LRP1B: variants seen among roughly 807,000 people sequenced by gnomAD.
LRP1B encodes the protein LDL receptor related protein 1B.
A neutral mutation model predicts 556.6 loss-of-function variants in LRP1B; 217 were observed. The observed-to-expected ratio is 0.39, with a 90% confidence interval of 0.35 to 0.44. LRP1B has a LOEUF of 0.44. Among genes scored for constraint, LRP1B ranks in the 20% least tolerant of loss-of-function variants. LRP1B has a pLI of 1.00. For missense variants in LRP1B, 5,053 were observed against 5,620.8 expected (o/e 0.90, Z 3.23); for synonymous variants, 2,047 against 1,865.8 (o/e 1.10, Z -2.50).
intron 2 of LRP1B, among the ~76,000 whole-genome samples, chr2:141,491,716 C>T (rs1405933433): frequency 6.6e-6 from 1 of 152,134 alleles, no homozygotes; most frequent in Non-Finnish European, 1.5e-5. Context: ...GGCTCATCCA[C>T]TTGTCAGACA....
At chr2:140,383,643 T>C (rs372784537) in intron 67 of LRP1B, among the ~76,000 whole-genome samples, 5 of 152,166 alleles carry the variant, frequency 3.3e-5, no homozygotes, top group South Asian at 2.1e-4. Flanking sequence ...TGCCCTAACA[T>C]ACTCTGACAT....
At chr2:140,259,161 G>T (rs555651910) in intron 86 of LRP1B, among the ~76,000 whole-genome samples, 116 of 152,182 alleles carry the variant, frequency 7.6e-4, no homozygotes, top group African/African-American at 2.6e-3. Flanking sequence ...CTGAAGCACA[G>T]GCTGTATTTC....
intron 18 of LRP1B, among the ~76,000 whole-genome samples, chr2:140,980,458 T>A (rs1013203712): frequency 8.5e-5 from 13 of 152,166 alleles, no homozygotes; most frequent in African/African-American, 3.1e-4. Flanking sequence ...ACGTAAAATA[T>A]TCTATTGTCT....
chr2:140,946,740 T>G (rs1234076222), intron 20 of LRP1B, among the ~76,000 whole-genome samples: 1 of 152,162 alleles, frequency 6.6e-6, no homozygotes, highest in African/African-American at 2.4e-5. Context: ...TGTTTATCAC[T>G]GCACTACTCA....
chr2:140,948,180 ATTAACT>A (rs992070275), intron 20 of LRP1B, among the ~76,000 whole-genome samples: 7 of 152,160 alleles, frequency 4.6e-5, no homozygotes, highest in Admixed American at 4.6e-4. Flanking sequence ...ATGACAATAA[ATTAACT>A]TTAGGGCAAT....
chr2:140,793,384 C>T lies in LRP1B; in HGVS notation c.5360-17146G>A, dbSNP rs894040336. Among the ~76,000 whole-genome samples, 17 of 151,882 alleles carry T rather than the reference C, an allele frequency of 1.1e-4. 1 individual carries two copies. The highest frequency in any genetic ancestry group is 2.1e-4 in the South Asian group (1 of 4,820). The stretch of plus-strand genomic sequence containing the variant: ...CTGGTTTGAGCACACTATATATTAT[C>T]GCAATATTTTAAAAACTACTTCAAA... On this transcript the variant is annotated intron_variant, in intron 32 of 90. Transcript: ENST00000389484.
chr2:141,910,420 G>A (rs1380471525), intron 1 of LRP1B, among the ~76,000 whole-genome samples: 1 of 152,076 alleles, frequency 6.6e-6, no homozygotes, highest in African/African-American at 2.4e-5. Flanking sequence ...AGAACTATCA[G>A]ATATAGAGTT....
chr2:140,356,805 A>G (rs1682245591), intron 74 of LRP1B, among the ~76,000 whole-genome samples: 1 of 151,802 alleles, frequency 6.6e-6, no homozygotes, highest in Non-Finnish European at 1.5e-5. Flanking sequence ...ACGATATATG[A>G]GTACTACATC....
At chr2:141,794,758 A>G (rs573708277) in intron 2 of LRP1B, among the ~76,000 whole-genome samples, 2 of 152,060 alleles carry the variant, frequency 1.3e-5, no homozygotes, top group Non-Finnish European at 1.5e-5. Context: ...GTTCCACAGT[A>G]CCAACGAAAT....
chr2:141,490,508 A>G (rs532401967), intron 2 of LRP1B, among the ~76,000 whole-genome samples: 28 of 152,150 alleles, frequency 1.8e-4, no homozygotes, highest in African/African-American at 6.7e-4. Context: ...CTGCACTGCA[A>G]CTATAAACAC....
chr2:141,051,622 T>C (rs1280125346), intron 10 of LRP1B, among the ~76,000 whole-genome samples: 4 of 151,990 alleles, frequency 2.6e-5, no homozygotes, highest in Non-Finnish European at 1.5e-5. Context: ...CTGGAAGACA[T>C]AAATGTGCCC....
At chr2:142,112,487 A>G (rs1251674780) in intron 1 of LRP1B, among the ~76,000 whole-genome samples, 2 of 152,122 alleles carry the variant, frequency 1.3e-5, no homozygotes, top group Non-Finnish European at 2.9e-5. Flanking sequence ...AAAATGAGCT[A>G]TCAAATTCGG....
At position 141,870,401 on chromosome 2, in the gene LRP1B, A is replaced by G. The variant is rs1264457766; in HGVS notation, c.83-60000T>C. ...ACACTCTGGGGTTTCAATAAGTTCA[A>G]TGGTTAAGGAAACACTAGTCATCAT... On this transcript the variant is annotated intron_variant, in intron 1 of 90. Coordinates refer to ENST00000389484, the MANE Select transcript of LRP1B (RefSeq NM_018557.3). 3.3e-5 allele frequency among the ~76,000 whole-genome samples: 5 copies of G among 151,896 alleles called. 1 individual carries two copies. Among genetic ancestry groups the G allele is most frequent in the South Asian group, 4.1e-4 (2 of 4,824 alleles).
At chr2:141,567,035 G>GA (rs930998071) in intron 2 of LRP1B, among the ~76,000 whole-genome samples, 17 of 152,118 alleles carry the variant, frequency 1.1e-4, no homozygotes, top group African/African-American at 3.9e-4. Flanking sequence ...GGAAGATCAT[G>GA]AAAAAAGATT....
At chr2:141,904,225 T>G (rs931336986) in intron 1 of LRP1B, among the ~76,000 whole-genome samples, 1 of 151,784 alleles carries the variant, frequency 6.6e-6, no homozygotes, top group Non-Finnish European at 1.5e-5. Flanking sequence ...GGAGAACAGT[T>G]GGGAGGCTGT....
At chr2:141,662,682 A>T (rs1690266489) in intron 2 of LRP1B, among the ~76,000 whole-genome samples, 1 of 152,166 alleles carries the variant, frequency 6.6e-6, no homozygotes, top group Non-Finnish European at 1.5e-5. Flanking sequence ...TCATAAAATG[A>T]GTTCTTAGAG....
chr2:141,414,409 G>A (rs1691007427), intron 3 of LRP1B, among the ~76,000 whole-genome samples: 1 of 150,780 alleles, frequency 6.6e-6, no homozygotes, highest in Non-Finnish European at 1.5e-5. Context: ...GACAACTAAA[G>A]CTTCCCCCCT....
chr2:140,549,891 G>C (rs1680483098), intron 43 of LRP1B, among the ~76,000 whole-genome samples: 1 of 151,842 alleles, frequency 6.6e-6, no homozygotes. Context: ...AAGTTCCGGG[G>C]TACATGTGCA....
intron 83 of LRP1B, among the ~76,000 whole-genome samples, chr2:140,299,396 G>A (rs1683727853): frequency 6.6e-6 from 1 of 152,044 alleles, no homozygotes; most frequent in African/African-American, 2.4e-5. Context: ...TTTTTATGGT[G>A]AGTAATATTT....
Sources: gnomAD v4.1 joint callset for allele counts (sites outside exome capture counted in the v4.1 genomes callset) on GRCh38, gnomAD v4.1.1 for gene constraint, MANE v1.5 for transcripts, NCBI Gene and HGNC (gene_info 2026-07-23, HGNC 2026-07-21) for gene names.